The following ZNF117 variants were observed in gnomAD, a reference collection of about 807,000 sequenced individuals.
The protein encoded by ZNF117 is zinc finger protein 117.
ZNF117 carries 37 observed loss-of-function variants against 41.2 expected under a neutral mutation model. The ratio of observed to expected loss-of-function variants is 0.90; its 90% CI spans 0.69 to 1.18. ZNF117 has a LOEUF of 1.18. Among genes scored for constraint, ZNF117 ranks in the 50% most tolerant of loss-of-function variants. ZNF117 has a pLI of 0.00. For missense variants in ZNF117, 546 were observed against 557.5 expected (o/e 0.98, Z 0.21); for synonymous variants, 186 against 186.6 (o/e 1.00, Z 0.02).
At chr7:64,980,205 T>C (rs1785996881) in intron 2 of ZNF117, 1 of 152,096 alleles carries the variant, frequency 6.6e-6, no homozygotes, top group Non-Finnish European at 1.5e-5. Flanking sequence ...TCAGGATCTC[T>C]AGCTAAGACA....
At chr7:64,981,253 A>G in intron 2 of ZNF117, 134 bp downstream of exon 3, 6 of 1,149,368 alleles carry the variant, frequency 5.2e-6, no homozygotes, top group Non-Finnish European at 6.3e-6. Flanking sequence ...GTGAGAGAAA[A>G]ATAAAAAAAA....
rs1464433910 is a variant in ZNF117 at position 64,981,222 on chromosome 7, AC to A, written c.34+164del. On this transcript the variant is annotated intron_variant, in intron 2 of 2. Transcript: ENST00000620222. ...AGAGGAATCCTTAGAGAATTGAAAA[AC>A]AATACAAAATATGTTCTATGTGAGA... 3 of 859,176 alleles carry A rather than the reference AC, an allele frequency of 3.5e-6. No homozygotes were observed. The East Asian group carries it at 8.2e-5, about 23-fold the overall frequency. The allele number at this position is 859,176 out of a possible 1,614,324, so 53.2% of individuals were successfully genotyped here.
chr7:64,983,732 TAGAC>T (rs1400855085), upstream of ZNF117, among the ~76,000 whole-genome samples: 2 of 152,024 alleles, frequency 1.3e-5, no homozygotes, highest in Admixed American at 6.6e-5. Flanking sequence ...CCCACAGAGA[TAGAC>T]AGAGATAGCT....
chr7:64,989,848 T>C (rs894221644), intron 1 of ZNF117, 99 bp downstream of exon 1: 1 of 151,982 alleles, frequency 6.6e-6, no homozygotes, highest in Non-Finnish European at 1.5e-5. Flanking sequence ...CTGAGGCAGA[T>C]GGATCATGAG....
exon 3 of ZNF117, chr7:64,978,124 TAGA>T (rs764867898): frequency 1.2e-6 from 2 of 1,608,366 alleles, no homozygotes; most frequent in South Asian, 2.2e-5. Flanking sequence ...GAGGATCAGG[TAGA>T]AGCTTTGCCA....
chr7:64,988,808 G>C (rs1052844300), intron 1 of ZNF117, among the ~76,000 whole-genome samples: 1 of 151,970 alleles, frequency 6.6e-6, no homozygotes, highest in Non-Finnish European at 1.5e-5. Context: ...TAACATCCAA[G>C]CCGAAAGCCA....
At chr7:64,974,416 T>C (rs1202056289), downstream of ZNF117, 3 of 151,934 alleles carry the variant, frequency 2.0e-5, no homozygotes, top group Admixed American at 6.6e-5. Context: ...ATGAATTCAA[T>C]ACAAAGCAGA....
At chr7:64,983,378 T>G (rs1406208959), upstream of ZNF117, among the ~76,000 whole-genome samples, 1 of 152,198 alleles carries the variant, frequency 6.6e-6, no homozygotes. Context: ...AGCCGTGATG[T>G]AGAGATGTAG....
chr7:64,971,937 A>G (rs1188947934), downstream of ZNF117: 2 of 152,140 alleles, frequency 1.3e-5, no homozygotes, highest in Non-Finnish European at 2.9e-5. Context: ...TGCAAATCAT[A>G]CGTGGGACAA....
intron 2 of ZNF117, chr7:64,980,945 A>C: frequency 6.0e-6 from 1 of 168,022 alleles, no homozygotes; most frequent in Non-Finnish European, 1.2e-5. Context: ...GTAAAAACAG[A>C]ATGGAATATA....
downstream of ZNF117, chr7:64,972,860 A>T (rs895439577): frequency 3.9e-5 from 6 of 152,084 alleles, no homozygotes; most frequent in Non-Finnish European, 7.4e-5. Context: ...AGCATTTGAC[A>T]ACATATACTT....
At chr7:64,980,533 T>A (rs1786002692) in intron 2 of ZNF117, 1 of 149,544 alleles carries the variant, frequency 6.7e-6, no homozygotes. Flanking sequence ...AAAAAGGAAC[T>A]GAAAAATTAT....
intron 2 of ZNF117, 129 bp downstream of exon 3, chr7:64,981,258 A>T: frequency 1.6e-6 from 2 of 1,248,102 alleles, no homozygotes; most frequent in South Asian, 2.6e-5. Context: ...AGAAAAATAA[A>T]AAAAAACTCG....
At chr7:64,989,526 C>T (rs1462988035) in intron 1 of ZNF117, among the ~76,000 whole-genome samples, 5 of 100,292 alleles carry the variant, frequency 5.0e-5, no homozygotes, top group African/African-American at 1.5e-4. Flanking sequence ...TAGAAAATAA[C>T]CTAGAAAATT....
chr7:64,983,262 G>T (rs1584051101), upstream of ZNF117, among the ~76,000 whole-genome samples: 2 of 152,212 alleles, frequency 1.3e-5, no homozygotes, highest in East Asian at 3.9e-4. Flanking sequence ...TTCCCCAATA[G>T]GAATCTTGAG....
At chr7:64,985,226 T>C (rs566664310), upstream of ZNF117, among the ~76,000 whole-genome samples, 4 of 152,356 alleles carry the variant, frequency 2.6e-5, no homozygotes, top group South Asian at 8.3e-4. Flanking sequence ...CTAATTGTAC[T>C]CAAGTAATAA....
At chr7:64,984,118 T>C (rs1477982862), upstream of ZNF117, among the ~76,000 whole-genome samples, 1 of 152,084 alleles carries the variant, frequency 6.6e-6, no homozygotes, top group Admixed American at 6.6e-5. Flanking sequence ...TGGAATATAT[T>C]TGACAATTTC....
At chr7:64,989,684 A>C (rs1786220102) in intron 1 of ZNF117, among the ~76,000 whole-genome samples, 1 of 151,434 alleles carries the variant, frequency 6.6e-6, no homozygotes, top group South Asian at 2.1e-4. Context: ...GACAACCTAC[A>C]GACTAGAAGA....
intron 1 of ZNF117, among the ~76,000 whole-genome samples, chr7:64,989,304 AG>A (rs1225312478): frequency 4.0e-5 from 6 of 151,646 alleles, no homozygotes; most frequent in South Asian, 2.1e-4. Flanking sequence ...AGAGCAATGC[AG>A]GAAGAATTCC....
Sources: gnomAD v4.1 joint callset for allele counts (sites outside exome capture counted in the v4.1 genomes callset) on GRCh38, gnomAD v4.1.1 for gene constraint, MANE v1.5 for transcripts, NCBI Gene and HGNC (gene_info 2026-07-23, HGNC 2026-07-21) for gene names.